DDIT4: variants seen among roughly 807,000 people sequenced by gnomAD.
DDIT4 encodes the protein DNA damage-inducible transcript 4 protein.
In DDIT4, 20 loss-of-function variants were observed where a neutral mutation model predicts 20.2. The observed-to-expected ratio is 0.99, with a 90% CI of 0.70 to 1.44. The LOEUF (loss-of-function observed/expected upper bound fraction) is 1.44, where lower values mean the gene tolerates loss of function less well. Among genes scored for constraint, DDIT4 ranks in the 40% most tolerant of loss-of-function variants. The pLI, the probability that DDIT4 is intolerant of heterozygous loss-of-function variation, is 0.00. For missense variants in DDIT4, 316 were observed against 298.1 expected, an observed-to-expected ratio of 1.06 and a Z score of -0.44; for synonymous variants, 152 against 144.6, an observed-to-expected ratio of 1.05 and a Z score of -0.37.
intron 2 of DDIT4, 109 bp from the exon 3 acceptor site, chr10:72,274,586 C>T: frequency 1.4e-6 from 2 of 1,453,128 alleles, no homozygotes; most frequent in Non-Finnish European, 1.8e-6. Flanking sequence ...GAAACTGAGG[C>T]ACGGAGTGGG....
Position 72,274,816 on chromosome 10 carries a change from G to A in DDIT4, c.327G>A (p.Leu109=). 3.1e-6 allele frequency: 5 copies of A among 1,613,754 alleles called. No homozygotes were observed. The highest frequency in any genetic ancestry group is 4.2e-6 in the Non-Finnish European group (5 of 1,180,030). The change falls in exon 3 of 3, where the codon CTG becomes CTA. Residue 109 remains leucine, a synonymous_variant. Transcript: ENST00000307365. ...AGGAGAGCCTGGCCCAGGCGCGGCT[G>A]GGCTCTCGACGCCCTGCGCGCCTGC... ...LLQESLAQAR[L]GSRRPARLLM...
rs1248701737 is a variant in DDIT4, at chr10:72,275,072, TC to T, written c.585del (p.Ala196ProfsTer13). 2 of 1,613,502 alleles carry T rather than the reference TC, an allele frequency of 1.2e-6. No individual in the cohort carries two copies. The highest frequency in any genetic ancestry group is 8.5e-7 in the Non-Finnish European group (1 of 1,179,968). Reference protein sequence around the residue: ...LWPKIQGLFSSANSPFLPGFS... With the variant: ...LWPKIQGLFSXANSPFLPGFS... ...GCCCAAGATCCAGGGGCTGTTTAGC[TC>T]CGCCAACTCTCCCTTCCTCCCTGGC... On this transcript the variant is annotated frameshift_variant, in exon 3 of 3. Coordinates refer to ENST00000307365, the MANE Select transcript of DDIT4 (RefSeq NM_019058.4). LOFTEE classifies it high-confidence loss of function.
In DDIT4 at chr10:72,275,340, A is replaced by G; in HGVS notation, c.*152A>G. On this transcript the variant is annotated 3_prime_UTR_variant, in exon 3 of 3. Coordinates refer to ENST00000307365, the MANE Select transcript of DDIT4 (RefSeq NM_019058.4). ...TGGAGGTGGGGGAATAGTGTTTCCCAGGAAGCTCATTGAGTTGTGTGCGGG... is the reference window on the plus strand; with the variant it reads ...TGGAGGTGGGGGAATAGTGTTTCCCGGGAAGCTCATTGAGTTGTGTGCGGG... The G allele has an allele frequency of 1.2e-6, 1 of 834,408 alleles. No homozygotes were observed. Among genetic ancestry groups the G allele is most frequent in the Non-Finnish European group, 1.8e-6 (1 of 549,076 alleles). The allele number at this position is 834,408 out of a possible 1,614,324, so 51.7% of individuals were successfully genotyped here.
rs994939573 is a variant in DDIT4 at position 72,273,929 on chromosome 10, A to G, written c.-192A>G. 2.2e-5 allele frequency: 11 copies of G among 492,442 alleles called. No individual in the cohort carries two copies. Among genetic ancestry groups the G allele is most frequent in the African/African-American group, 4.0e-5 (2 of 50,200 alleles). The allele number at this position is 492,442 out of a possible 1,614,324, so 30.5% of individuals were successfully genotyped here. ...CTCCGCGCTGGTGCTAGGGCGCAGC[A>G]GGCCAAGGGGGAGGTGCGAGCGTGG... On this transcript the variant is annotated 5_prime_UTR_variant, in exon 1 of 3. Transcript: ENST00000307365.
chr10:72,273,948 A>G lies in DDIT4; in HGVS notation c.-173A>G. ...CGCAGCAGGCCAAGGGGGAGGTGCG[A>G]GCGTGGACCTGGGACGGGTCTGGGC... is the stretch of plus-strand genomic sequence containing the variant. On this transcript the variant is annotated 5_prime_UTR_variant, in exon 1 of 3. Coordinates refer to ENST00000307365, the MANE Select transcript of DDIT4 (RefSeq NM_019058.4). 1 of 524,960 alleles carries G rather than the reference A, an allele frequency of 1.9e-6. No homozygotes were observed. The highest frequency in any genetic ancestry group is 3.4e-6 in the Non-Finnish European group (1 of 293,430). 32.5% of individuals were successfully genotyped at this position (524,960 alleles called of 1,614,324 possible).
chr10:72,274,546 G>C, intron 2 of DDIT4, 125 bp downstream of exon 2: 1 of 1,412,000 alleles, frequency 7.1e-7, no homozygotes, highest in South Asian at 1.4e-5. Flanking sequence ...TTGGGGGCAG[G>C]GGGAATTGGA....
rs1860812793 is a variant in DDIT4 at position 72,275,057 on chromosome 10, C to T, written c.568C>T (p.Gln190Ter). The T allele has an allele frequency of 6.2e-7, 1 of 1,613,490 alleles. No homozygotes were observed. Among genetic ancestry groups the T allele is most frequent in the Admixed American group, 1.7e-5 (1 of 59,996 alleles). The change falls in exon 3 of 3, where the codon CAG (glutamine) becomes TAG (stop). Residue 190 changes from glutamine (Q) to a stop codon, truncating the protein, a stop_gained. Coordinates refer to ENST00000307365, the MANE Select transcript of DDIT4 (RefSeq NM_019058.4). LOFTEE classifies it high-confidence loss of function. ...GGACTCACGACTCTGGCCCAAGATC[C>T]AGGGGCTGTTTAGCTCCGCCAACTC... Reference protein sequence around the residue: ...RLDSRLWPKIQGLFSSANSPF... With the variant: ...RLDSRLWPKI
At position 72,275,464 on chromosome 10, in the gene DDIT4, C is replaced by A; in HGVS notation, c.*276C>A. 2.6e-6 allele frequency: 1 copy of A among 387,168 alleles called. No homozygotes were observed. Among genetic ancestry groups the A allele is most frequent in the Non-Finnish European group, 4.7e-6 (1 of 212,774 alleles). The allele number at this position is 387,168 out of a possible 1,614,324, so 24.0% of individuals were successfully genotyped here. A position where few individuals can be genotyped will look rare whatever the true frequency, so the allele number is the denominator to read the frequency against. On this transcript the variant is annotated 3_prime_UTR_variant, in exon 3 of 3. Coordinates refer to ENST00000307365, the MANE Select transcript of DDIT4 (RefSeq NM_019058.4). ...CAGCTGGATGTGTGTGTAGCATGTA[C>A]CTTATTATTTTTGTTACTGACAGTT...
chr10:72,275,314 G>A lies in DDIT4; in HGVS notation c.*126G>A. 1 of 1,070,158 alleles carries A rather than the reference G, an allele frequency of 9.3e-7. No homozygotes were observed. The highest frequency in any genetic ancestry group is 1.3e-6 in the Non-Finnish European group (1 of 758,214). 66.3% of individuals were successfully genotyped at this position (1,070,158 alleles called of 1,614,324 possible). Reference sequence around the variant, plus strand: ...TGGAAAACTGAGGCAGCCACCTAAGGTGGAGGTGGGGGAATAGTGTTTCCC... The same window carrying A: ...TGGAAAACTGAGGCAGCCACCTAAGATGGAGGTGGGGGAATAGTGTTTCCC... On this transcript the variant is annotated 3_prime_UTR_variant, in exon 3 of 3. Coordinates refer to ENST00000307365, the MANE Select transcript of DDIT4 (RefSeq NM_019058.4).
Position 72,275,113 on chromosome 10 carries a change from G to GAC in DDIT4, c.625_626dup (p.Leu210ArgfsTer2). The GAC allele has an allele frequency of 6.2e-7, 1 of 1,613,290 alleles. No individual in the cohort carries two copies. The highest frequency in any genetic ancestry group is 8.5e-7 in the Non-Finnish European group (1 of 1,179,952). On this transcript the variant is annotated frameshift_variant, in exon 3 of 3. Transcript: ENST00000307365. LOFTEE classifies it high-confidence loss of function. ...TCCTCCCTGGCTTCAGCCAGTCCCT[G>GAC]ACGCTGAGCACTGGCTTCCGAGTCA... is the stretch of plus-strand genomic sequence containing the variant.
rs1490333644 is a variant in DDIT4, at chr10:72,274,242, C to T, written c.26C>T (p.Ser9Leu). 6.2e-6 allele frequency: 10 copies of T among 1,613,544 alleles called. No individual in the cohort carries two copies. The Admixed American group carries it at 8.3e-5, about 13-fold the overall frequency. MPSLWDRF[S>L]SSSTSSSPSS... The stretch of plus-strand genomic sequence containing the variant: ...ATGCCTAGCCTTTGGGACCGCTTCT[C>T]GTCGTCGTCCACCTCCTCTTCGCCC... Residue 9 changes from serine (S) to leucine (L), a missense_variant, in exon 2 of 3, where the codon TCG (serine) becomes TTG (leucine). Coordinates refer to ENST00000307365, the MANE Select transcript of DDIT4 (RefSeq NM_019058.4).
chr10:72,274,931 G>A lies in DDIT4; in HGVS notation c.442G>A (p.Asp148Asn), dbSNP rs563377682. ...EPCGLRGALLDVCVEQGKSCH... is the reference protein window; with the variant it reads ...EPCGLRGALLNVCVEQGKSCH... ...GTGCGGCCTGCGGGGGGCGCTGCTGGACGTCTGCGTGGAGCAGGGCAAGAG... is the reference window on the plus strand; with the variant it reads ...GTGCGGCCTGCGGGGGGCGCTGCTGAACGTCTGCGTGGAGCAGGGCAAGAG... The change falls in exon 3 of 3, where the codon GAC becomes AAC. Residue 148 changes from aspartate (D) to asparagine (N), a missense_variant. Physicochemically the swap from Asp to Asn is conservative, Grantham distance 23. Transcript: ENST00000307365. 1 of 1,612,560 alleles carries A rather than the reference G, an allele frequency of 6.2e-7. No individual in the cohort carries two copies. Among genetic ancestry groups the A allele is most frequent in the African/African-American group, 1.3e-5 (1 of 75,056 alleles).
intron 2 of DDIT4, 24 bp downstream of exon 2, chr10:72,274,445 G>T: frequency 6.5e-7 from 1 of 1,529,898 alleles, no homozygotes. Context: ...GGGTGCCGAC[G>T]CGACTCGAGG....
At position 72,274,334 on chromosome 10, in the gene DDIT4, G is replaced by A. The variant is rs1295773263; in HGVS notation, c.118G>A (p.Glu40Lys). Residue 40 changes from glutamate to lysine, a missense_variant, in exon 2 of 3, where the codon GAG becomes AAG. Transcript: ENST00000307365. ...PRSAWGSATREEGFDRSTSLE... is the reference protein window; with the variant it reads ...PRSAWGSATRKEGFDRSTSLE... The stretch of plus-strand genomic sequence containing the variant: ...CTCAGCCTGGGGGTCGGCGACCCGG[G>A]AGGAGGGGTTTGACCGCTCCACGAG... The A allele has an allele frequency of 6.2e-7, 1 of 1,612,098 alleles. No homozygotes were observed. Among genetic ancestry groups the A allele is most frequent in the Non-Finnish European group, 8.5e-7 (1 of 1,179,956 alleles).
chr10:72,274,869 T>A lies in DDIT4; in HGVS notation c.380T>A (p.Val127Glu). Residue 127 changes from valine to glutamate, a missense_variant, in exon 3 of 3, where the codon GTG (valine) becomes GAG (glutamate). Physicochemically the swap from Val to Glu is moderately radical, Grantham distance 121. Coordinates refer to ENST00000307365, the MANE Select transcript of DDIT4 (RefSeq NM_019058.4). The stretch of plus-strand genomic sequence containing the variant: ...ATGCCTAGCCAGTTGGTAAGCCAGG[T>A]GGGCAAAGAACTACTGCGCCTGGCC... The part of the protein sequence containing the change: ...LLMPSQLVSQ[V>E]GKELLRLAYS... The A allele has an allele frequency of 6.2e-7, 1 of 1,613,326 alleles. No homozygotes were observed. Among genetic ancestry groups the A allele is most frequent in the African/African-American group, 1.3e-5 (1 of 75,058 alleles).
chr10:72,274,170 C>G lies in DDIT4; in HGVS notation c.-47C>G. On this transcript the variant is annotated 5_prime_UTR_variant, in exon 2 of 3. Transcript: ENST00000307365. ...CTTGTCTTACAGCGGCTTCTACGCT[C>G]CGGCACTCTGAGTTCATCAGCAAAC... 1 of 1,479,544 alleles carries G rather than the reference C, an allele frequency of 6.8e-7. No individual in the cohort carries two copies. The highest frequency in any genetic ancestry group is 9.4e-7 in the Non-Finnish European group (1 of 1,059,730). The allele number at this position is 1,479,544 out of a possible 1,614,324, so 91.7% of individuals were successfully genotyped here. A position where few individuals can be genotyped will look rare whatever the true frequency, so the allele number is the denominator to read the frequency against.
chr10:72,275,255 T>C lies in DDIT4; in HGVS notation c.*67T>C. On this transcript the variant is annotated 3_prime_UTR_variant, in exon 3 of 3. Transcript: ENST00000307365. ...ACGACTGAACTTTTGGGGTGGAGAC[T>C]AGAGGCAGGAGCTGAGGGACTGATT... The C allele has an allele frequency of 6.6e-7, 1 of 1,515,216 alleles. No individual in the cohort carries two copies. The highest frequency in any genetic ancestry group is 8.8e-7 in the Non-Finnish European group (1 of 1,133,564). 93.9% of individuals were successfully genotyped at this position (1,515,216 alleles called of 1,614,324 possible).
At position 72,275,133 on chromosome 10, in the gene DDIT4, G is replaced by A. The variant is rs1335158133; in HGVS notation, c.644G>A (p.Arg215Gln). The A allele has an allele frequency of 2.5e-6, 4 of 1,613,018 alleles. No homozygotes were observed. The highest frequency in any genetic ancestry group is 2.2e-5 in the East Asian group (1 of 44,886). Reference sequence around the variant, plus strand: ...TCCCTGACGCTGAGCACTGGCTTCCGAGTCATCAAGAAGAAGCTGTACAGC... The same window carrying A: ...TCCCTGACGCTGAGCACTGGCTTCCAAGTCATCAAGAAGAAGCTGTACAGC... The part of the protein sequence containing the change: ...SQSLTLSTGF[R>Q]VIKKKLYSSE... Residue 215 changes from arginine (R) to glutamine (Q), a missense_variant, in exon 3 of 3, where the codon CGA (arginine) becomes CAA (glutamine). Coordinates refer to ENST00000307365, the MANE Select transcript of DDIT4 (RefSeq NM_019058.4).
At position 72,275,328 on chromosome 10, in the gene DDIT4, A is replaced by C; in HGVS notation, c.*140A>C. On this transcript the variant is annotated 3_prime_UTR_variant, in exon 3 of 3. Coordinates refer to ENST00000307365, the MANE Select transcript of DDIT4 (RefSeq NM_019058.4). The stretch of plus-strand genomic sequence containing the variant: ...AGCCACCTAAGGTGGAGGTGGGGGA[A>C]TAGTGTTTCCCAGGAAGCTCATTGA... 2.2e-6 allele frequency: 2 copies of C among 928,500 alleles called. No homozygotes were observed. Among genetic ancestry groups the C allele is most frequent in the Non-Finnish European group, 3.2e-6 (2 of 633,128 alleles). 57.5% of individuals were successfully genotyped at this position (928,500 alleles called of 1,614,324 possible).
Sources: gnomAD v4.1 joint callset for allele counts on GRCh38, gnomAD v4.1.1 for gene constraint, MANE v1.5 for transcripts, NCBI Gene and HGNC (gene_info 2026-07-23, HGNC 2026-07-21) for gene names.